Variants in TAFA2 observed in about 807,000 individuals in gnomAD.
TAFA2 encodes the protein TAFA chemokine like family member 2.
In TAFA2, 7 loss-of-function variants were observed where a neutral mutation model predicts 18.8. That is an observed-to-expected ratio of 0.37 (90% confidence interval 0.21 to 0.70). The LOEUF is 0.70. Ranked by LOEUF, TAFA2 falls within the 30% of genes least tolerant of loss-of-function variation. The probability of loss-of-function intolerance (pLI) is 0.53; values close to 1 mark genes in which losing one functional copy is unlikely to be tolerated. For synonymous variants in TAFA2, 60 were observed against 54.2 expected (o/e 1.11, Z -0.47); for missense variants, 122 against 158.1 (o/e 0.77, Z 1.23).
intron 1 of TAFA2, chr12:62,235,636 C>T (rs1230174945): frequency 4.4e-6 from 1 of 228,998 alleles, no homozygotes; most frequent in Non-Finnish European, 8.5e-6. Flanking sequence ...TCCTTTATTC[C>T]TTTGTTACTG....
chr12:62,229,331 A>G (rs2062801949), intron 1 of TAFA2, among the ~76,000 whole-genome samples: 1 of 152,056 alleles, frequency 6.6e-6, no homozygotes, highest in Non-Finnish European at 1.5e-5. Context: ...TTCCCCATTC[A>G]CTATAATGCT....
chr12:61,981,528 C>G (rs1452220412), intron 1 of TAFA2, among the ~76,000 whole-genome samples: 1 of 152,170 alleles, frequency 6.6e-6, no homozygotes, highest in Non-Finnish European at 1.5e-5. Flanking sequence ...AGGGAACCAA[C>G]AGAATGGGAG....
chr12:62,099,071 A>G (rs2136845920), intron 1 of TAFA2, among the ~76,000 whole-genome samples: 1 of 152,322 alleles, frequency 6.6e-6, no homozygotes, highest in Non-Finnish European at 1.5e-5. Context: ...AATCCAGTAC[A>G]TGTCATAAAA....
intron 1 of TAFA2, among the ~76,000 whole-genome samples, chr12:62,082,718 A>T (rs1239449958): frequency 6.6e-6 from 1 of 152,250 alleles, no homozygotes; most frequent in Non-Finnish European, 1.5e-5. Context: ...CAAAGGAAAC[A>T]GTAATTACAT....
intron 1 of TAFA2, among the ~76,000 whole-genome samples, chr12:61,973,487 G>T (rs987211626): frequency 6.2e-5 from 9 of 145,030 alleles, no homozygotes; most frequent in Admixed American, 3.5e-4. Context: ...CTTAATTATA[G>T]ATTAACACAG....
chr12:62,181,995 C>CT (rs111351619), intron 1 of TAFA2, among the ~76,000 whole-genome samples: 3 of 149,356 alleles, frequency 2.0e-5, no homozygotes, highest in Non-Finnish European at 4.5e-5. Flanking sequence ...GTCCATCCCC[C>CT]CCCCGCTACA....
chr12:61,985,869 A>T (rs1879794817), intron 1 of TAFA2, among the ~76,000 whole-genome samples: 1 of 152,178 alleles, frequency 6.6e-6, no homozygotes, highest in African/African-American at 2.4e-5. Context: ...TAGATGTGAA[A>T]TACAGATCCA....
intron 1 of TAFA2, among the ~76,000 whole-genome samples, chr12:62,113,031 A>G (rs1030928170): frequency 6.6e-6 from 1 of 152,064 alleles, no homozygotes; most frequent in Non-Finnish European, 1.5e-5. Context: ...CTTGCTGGCA[A>G]GGAGTTATGA....
At chr12:62,206,197 C>T (rs959313038) in intron 1 of TAFA2, among the ~76,000 whole-genome samples, 24 of 152,168 alleles carry the variant, frequency 1.6e-4, no homozygotes, top group Non-Finnish European at 3.1e-4. Context: ...TGTATTTTAT[C>T]AGCCAACCAG....
In TAFA2 at chr12:61,831,749, G is replaced by A. The variant is rs573793440; in HGVS notation, c.106+35571C>T. 1.4e-3 allele frequency among the ~76,000 whole-genome samples: 212 copies of A among 151,828 alleles called. 2 individuals are homozygous for A. Among genetic ancestry groups the A allele is most frequent in the African/African-American group, 4.3e-3 (176 of 41,388 alleles). The stretch of plus-strand genomic sequence containing the variant: ...AAGTTCTAGGGTACATGTGCACAAC[G>A]TGCAGGTTTGTTACATATGTATACA... On this transcript the variant is annotated intron_variant, in intron 2 of 4. Transcript: ENST00000416284.
At chr12:62,046,497 GTAT>G (rs1881912717) in intron 1 of TAFA2, among the ~76,000 whole-genome samples, 1 of 151,952 alleles carries the variant, frequency 6.6e-6, no homozygotes, top group African/African-American at 2.4e-5. Context: ...GGATTTTGGT[GTAT>G]TATTATGTCA....
chr12:62,130,679 A>G lies in TAFA2; in HGVS notation c.-2+60580T>C, dbSNP rs562656820. On this transcript the variant is annotated intron_variant, in intron 1 of 4. Coordinates refer to ENST00000416284, the MANE Select transcript of TAFA2 (RefSeq NM_178539.5). ...ACAGCGGTTGACAGTATTTCCACAC[A>G]TAGATCTATATTACATGCTCCACAT... 3.3e-5 allele frequency among the ~76,000 whole-genome samples: 5 copies of G among 152,118 alleles called. No individual in the cohort carries two copies. The South Asian group carries it at 1.0e-3, about 32-fold the overall frequency.
intron 1 of TAFA2, among the ~76,000 whole-genome samples, chr12:62,240,046 A>G (rs12817475): frequency 6.6e-6 from 1 of 151,332 alleles, no homozygotes; most frequent in East Asian, 1.9e-4. Context: ...ATATTATATA[A>G]CAAATATATA....
chr12:62,222,940 C>T (rs1268415921), intron 1 of TAFA2, among the ~76,000 whole-genome samples: 3 of 151,800 alleles, frequency 2.0e-5, no homozygotes, highest in Non-Finnish European at 4.4e-5. Flanking sequence ...AGATAAAACA[C>T]CTGAGAATAT....
At chr12:62,150,773 G>T (rs1232699551) in intron 1 of TAFA2, among the ~76,000 whole-genome samples, 1 of 152,014 alleles carries the variant, frequency 6.6e-6, no homozygotes, top group African/African-American at 2.4e-5. Flanking sequence ...AGGCATGGTG[G>T]TGTGTGCCTG....
At chr12:62,012,960 A>G (rs572090803) in intron 1 of TAFA2, among the ~76,000 whole-genome samples, 8 of 152,312 alleles carry the variant, frequency 5.3e-5, no homozygotes, top group African/African-American at 1.7e-4. Flanking sequence ...GCATACTTAC[A>G]TATTCTCCTT....
chr12:61,903,304 A>G (rs1876196549), intron 1 of TAFA2, among the ~76,000 whole-genome samples: 1 of 152,122 alleles, frequency 6.6e-6, no homozygotes, highest in Non-Finnish European at 1.5e-5. Context: ...TTCCTTTGTG[A>G]AACTGCCAAA....
At chr12:61,740,303 G>C (rs185990692) in intron 4 of TAFA2, among the ~76,000 whole-genome samples, 5 of 151,902 alleles carry the variant, frequency 3.3e-5, no homozygotes, top group Admixed American at 6.6e-5. Flanking sequence ...ACACAGGGGT[G>C]GGGGGGAATA....
chr12:61,855,626 C>A (rs939946093), intron 2 of TAFA2, among the ~76,000 whole-genome samples: 1 of 151,864 alleles, frequency 6.6e-6, no homozygotes, highest in African/African-American at 2.4e-5. Context: ...TGACTATAGG[C>A]AAAAGAGTTT....
Sources: gnomAD v4.1 joint callset for allele counts (sites outside exome capture counted in the v4.1 genomes callset) on GRCh38, gnomAD v4.1.1 for gene constraint, MANE v1.5 for transcripts, NCBI Gene and HGNC (gene_info 2026-07-23, HGNC 2026-07-21) for gene names.